The following KANSL1 variants were observed in gnomAD, a reference collection of about 807,000 sequenced individuals.
The protein encoded by KANSL1 is KAT8 regulatory NSL complex subunit 1.
A neutral mutation model predicts 103.6 loss-of-function variants in KANSL1; 22 were observed. The ratio of observed to expected loss-of-function variants is 0.21; its 90% CI spans 0.15 to 0.30. The LOEUF is 0.30. KANSL1 is among the 10% of genes least tolerant of loss of function. KANSL1 has a pLI of 1.00. For missense variants in KANSL1, 1,337 were observed against 1,399.8 expected (o/e 0.96, Z 0.72); for synonymous variants, 600 against 527.6 (o/e 1.14, Z -1.88).
At chr17:46,185,063 G>A (rs928462572) in intron 1 of KANSL1, among the ~76,000 whole-genome samples, 7 of 152,026 alleles carry the variant, frequency 4.6e-5, no homozygotes, top group African/African-American at 1.5e-4. Flanking sequence ...GCCTGACCTC[G>A]TGATTCGCCA....
At chr17:46,176,740 T>C (rs539520764) in intron 1 of KANSL1, among the ~76,000 whole-genome samples, 2 of 152,212 alleles carry the variant, frequency 1.3e-5, no homozygotes, top group South Asian at 4.1e-4. Flanking sequence ...TCTGAAATGA[T>C]GTCTATGAAC....
intron 1 of KANSL1, among the ~76,000 whole-genome samples, chr17:46,212,441 G>C (rs1056269075): frequency 2.0e-5 from 3 of 152,126 alleles, no homozygotes; most frequent in African/African-American, 7.2e-5. Flanking sequence ...GGATGGTCTC[G>C]ATCTCCTGAC....
intron 2 of KANSL1, among the ~76,000 whole-genome samples, chr17:46,157,772 A>G (rs1479956473): frequency 1.3e-5 from 2 of 152,262 alleles, no homozygotes; most frequent in Non-Finnish European, 2.9e-5. Flanking sequence ...CAGAAGCAAA[A>G]TGAGTCTTAA....
At chr17:46,054,686 TA>T (rs1221306335) in intron 6 of KANSL1, among the ~76,000 whole-genome samples, 1 of 152,188 alleles carries the variant, frequency 6.6e-6, no homozygotes, top group African/African-American at 2.4e-5. Flanking sequence ...ATTTTTTTGT[TA>T]CTCTCCTAGC....
chr17:46,033,469 C>G lies in KANSL1; in HGVS notation c.2667-9G>C. 6.2e-7 allele frequency: 1 copy of G among 1,613,860 alleles called. No individual in the cohort carries two copies. Among genetic ancestry groups the G allele is most frequent in the Non-Finnish European group, 8.5e-7 (1 of 1,179,758 alleles). On this transcript the variant is annotated splice_polypyrimidine_tract_variant and intron_variant, in intron 11 of 14. Coordinates refer to ENST00000432791, the MANE Select transcript of KANSL1 (RefSeq NM_015443.4). ...GATCAACCTCCCGCCAGCTGCAAAACCAAGAACAGACAATCATGAGATGGC... is the reference window on the plus strand; with the variant it reads ...GATCAACCTCCCGCCAGCTGCAAAAGCAAGAACAGACAATCATGAGATGGC...
intron 7 of KANSL1, among the ~76,000 whole-genome samples, chr17:46,048,143 G>C (rs553781735): frequency 6.6e-6 from 1 of 152,128 alleles, no homozygotes; most frequent in Admixed American, 6.5e-5. Flanking sequence ...TCTGACCTCA[G>C]ATGATGAACC....
chr17:46,043,483 C>A (rs2077399415), intron 7 of KANSL1: 6 of 152,146 alleles, frequency 3.9e-5, no homozygotes, highest in Admixed American at 3.9e-4. Context: ...GGGGCTAGAT[C>A]AGGGCTGGCA....
chr17:46,065,029 G>A (rs946659538), intron 6 of KANSL1, among the ~76,000 whole-genome samples: 2 of 151,896 alleles, frequency 1.3e-5, no homozygotes, highest in Admixed American at 6.6e-5. Flanking sequence ...AGGCTGGAGT[G>A]CAGTGGCACA....
chr17:46,042,443 G>C (rs997596815), intron 7 of KANSL1: 1 of 152,176 alleles, frequency 6.6e-6, no homozygotes, highest in African/African-American at 2.4e-5. Context: ...AACAGGTGCA[G>C]AAAGGTACAT....
intron 2 of KANSL1, among the ~76,000 whole-genome samples, chr17:46,097,273 AAAC>A (rs1343221405): frequency 6.6e-6 from 1 of 152,246 alleles, no homozygotes; most frequent in African/African-American, 2.4e-5. Flanking sequence ...CAAAAAAACT[AAAC>A]AAGATTAAGT....
At chr17:46,070,841 T>C (rs1397627223) in intron 4 of KANSL1, among the ~76,000 whole-genome samples, 1 of 152,194 alleles carries the variant, frequency 6.6e-6, no homozygotes, top group Non-Finnish European at 1.5e-5. Context: ...TACGTTTAAG[T>C]AACGGGTTGA....
At chr17:46,055,826 A>G (rs1356146702) in intron 6 of KANSL1, among the ~76,000 whole-genome samples, 1 of 152,194 alleles carries the variant, frequency 6.6e-6, no homozygotes, top group Non-Finnish European at 1.5e-5. Context: ...CAAAGTATAT[A>G]TGACAGTTTA....
chr17:46,135,477 C>T (rs1265336355), intron 2 of KANSL1, among the ~76,000 whole-genome samples: 2 of 151,756 alleles, frequency 1.3e-5, no homozygotes, highest in Non-Finnish European at 2.9e-5. Context: ...TTGATGCAGA[C>T]ATTCTAAAAG....
In KANSL1 at chr17:46,059,722, G is replaced by A. The variant is rs138349791; in HGVS notation, c.1848+6815C>T. Among the ~76,000 whole-genome samples the A allele has an allele frequency of 1.4e-3, 208 of 150,804 alleles. 1 individual carries two copies. The highest frequency in any genetic ancestry group is 4.9e-3 in the African/African-American group (201 of 41,068). On this transcript the variant is annotated intron_variant, in intron 6 of 14. Transcript: ENST00000432791. ...TGGAACTAAGAGAGAGAAACAGACT[G>A]TTATCTTTTTGAGACAGAGTCTAGC...
chr17:46,082,510 TG>T lies in KANSL1; in HGVS notation c.1463del (p.Pro488GlnfsTer15). The part of the protein sequence containing the change: ...GLIVLGEVPP[P>X]EHTTDLFLPL... Reference sequence around the variant, plus strand: ...GAAGAAATAAGTCTGTTGTATGCTCTGGGGGAGGTACCTCCCCAAGAACTAT... The same window carrying T: ...GAAGAAATAAGTCTGTTGTATGCTCTGGGGAGGTACCTCCCCAAGAACTAT... On this transcript the variant is annotated frameshift_variant, in exon 4 of 15. Coordinates refer to ENST00000432791, the MANE Select transcript of KANSL1 (RefSeq NM_015443.4). LOFTEE classifies it high-confidence loss of function. The T allele has an allele frequency of 6.2e-7, 1 of 1,611,886 alleles. No homozygotes were observed. Among genetic ancestry groups the T allele is most frequent in the Non-Finnish European group, 8.5e-7 (1 of 1,178,224 alleles).
intron 3 of KANSL1, among the ~76,000 whole-genome samples, chr17:46,085,875 G>T (rs1214245295): frequency 6.6e-6 from 1 of 152,122 alleles, no homozygotes; most frequent in African/African-American, 2.4e-5. Context: ...CAATCCACCT[G>T]CCTCGGCCTC....
intron 2 of KANSL1, among the ~76,000 whole-genome samples, chr17:46,151,616 T>C (rs575342032): frequency 6.6e-6 from 1 of 152,392 alleles, no homozygotes; most frequent in African/African-American, 2.4e-5. Flanking sequence ...TATTGGCTGC[T>C]GTACTCCTTG....
chr17:46,183,887 T>C (rs987983416), intron 1 of KANSL1, among the ~76,000 whole-genome samples: 1 of 152,188 alleles, frequency 6.6e-6, no homozygotes, highest in Admixed American at 6.5e-5. Context: ...CACTCCAGCG[T>C]AGGCGACAGA....
At chr17:46,186,523 T>C (rs879389018) in intron 1 of KANSL1, among the ~76,000 whole-genome samples, 5 of 152,234 alleles carry the variant, frequency 3.3e-5, no homozygotes, top group Non-Finnish European at 2.9e-5. Flanking sequence ...ATTTTTCCAA[T>C]GCCAATAAAA....
Sources: allele counts gnomAD v4.1 joint callset (sites outside exome capture counted in the v4.1 genomes callset), GRCh38; gene constraint gnomAD v4.1.1; transcripts MANE v1.5; gene names NCBI Gene and HGNC (gene_info 2026-07-23, HGNC 2026-07-21).